Variants in TTC28 observed in about 807,000 individuals in gnomAD.
TTC28 encodes the protein tetratricopeptide repeat domain 28, also known as tetratricopeptide repeat protein 28.
In TTC28, 61 loss-of-function variants were observed where a neutral mutation model predicts 198.0. The ratio of observed to expected loss-of-function variants is 0.31; its 90% CI spans 0.25 to 0.38. The LOEUF is 0.38. Ranked by LOEUF, TTC28 falls within the 10% of genes least tolerant of loss-of-function variation. The pLI is 1.00. For missense variants in TTC28, 2,678 were observed against 3,164.0 expected, an observed-to-expected ratio of 0.85 and a Z score of 3.69; for synonymous variants, 1,171 against 1,297.8, an observed-to-expected ratio of 0.90 and a Z score of 2.10.
rs143644596 is a variant in TTC28 at position 28,040,401 on chromosome 22, T to G, written c.3933-10035A>C. Among the ~76,000 whole-genome samples, 1,456 of 152,230 alleles carry G rather than the reference T, an allele frequency of 9.6e-3. 25 individuals carry two copies. Among genetic ancestry groups the G allele is most frequent in the African/African-American group, 0.033 (1,355 of 41,560 alleles). ...AAGCTTATCCACCACGATCAAGTCGTCTTCATCCCTGGGATGCAGGGCTGG... is the reference window on the plus strand; with the variant it reads ...AAGCTTATCCACCACGATCAAGTCGGCTTCATCCCTGGGATGCAGGGCTGG... On this transcript the variant is annotated intron_variant, in intron 12 of 22. Coordinates refer to ENST00000397906, the MANE Select transcript of TTC28 (RefSeq NM_001145418.2).
chr22:28,543,273 A>C (rs2049457949), intron 2 of TTC28, among the ~76,000 whole-genome samples: 1 of 152,124 alleles, frequency 6.6e-6, no homozygotes, highest in Non-Finnish European at 1.5e-5. Context: ...AGGAGGTCAA[A>C]GCTGCAGTGA....
At chr22:28,551,702 A>C (rs745369762) in intron 2 of TTC28, among the ~76,000 whole-genome samples, 33 of 152,216 alleles carry the variant, frequency 2.2e-4, no homozygotes, top group African/African-American at 7.7e-4. Context: ...AACCCTCAGC[A>C]AAATCAGCAT....
intron 12 of TTC28, among the ~76,000 whole-genome samples, chr22:28,041,123 G>C (rs1209853439): frequency 2.0e-5 from 3 of 152,190 alleles, no homozygotes; most frequent in East Asian, 1.9e-4. Flanking sequence ...CTCATGGATA[G>C]GAAGAATCAA....
chr22:28,639,222 T>C (rs923793548), intron 1 of TTC28, among the ~76,000 whole-genome samples: 2 of 152,210 alleles, frequency 1.3e-5, no homozygotes, highest in Non-Finnish European at 2.9e-5. Flanking sequence ...ATAAATTTTA[T>C]TAGATCCATG....
chr22:28,172,828 T>G (rs777266684), intron 5 of TTC28, among the ~76,000 whole-genome samples: 1 of 152,212 alleles, frequency 6.6e-6, no homozygotes, highest in African/African-American at 2.4e-5. Flanking sequence ...GGAATAGGAT[T>G]TAGCATCAGA....
chr22:27,991,372 T>A (rs945151025), intron 19 of TTC28, among the ~76,000 whole-genome samples: 1 of 152,216 alleles, frequency 6.6e-6, no homozygotes, highest in Non-Finnish European at 1.5e-5. Flanking sequence ...TGCTTTAATA[T>A]GCAGTGTTCT....
chr22:28,172,190 C>T (rs1186384670), intron 5 of TTC28, among the ~76,000 whole-genome samples: 2 of 152,112 alleles, frequency 1.3e-5, no homozygotes, highest in African/African-American at 2.4e-5. Context: ...GAATCAGATA[C>T]ACTTTGTTCA....
intron 2 of TTC28, among the ~76,000 whole-genome samples, chr22:28,579,673 A>C (rs1022070941): frequency 3.3e-5 from 5 of 151,616 alleles, no homozygotes; most frequent in Non-Finnish European, 7.4e-5. Flanking sequence ...TACACACCCA[A>C]AAAAAACCGA....
chr22:28,388,351 C>G (rs1437904533), intron 2 of TTC28, among the ~76,000 whole-genome samples: 1 of 152,084 alleles, frequency 6.6e-6, no homozygotes, highest in Non-Finnish European at 1.5e-5. Flanking sequence ...TCCATATGAA[C>G]TTTAAAGTAG....
intron 5 of TTC28, among the ~76,000 whole-genome samples, chr22:28,176,217 A>T (rs1313940548): frequency 1.3e-5 from 2 of 152,216 alleles, no homozygotes; most frequent in East Asian, 1.9e-4. Flanking sequence ...TATACAATGA[A>T]ATATGATTCA....
chr22:27,983,963 C>CATAATT (rs1185882973), intron 22 of TTC28, 112 bp from the exon 23 acceptor site: 12 of 1,112,878 alleles, frequency 1.1e-5, no homozygotes, highest in African/African-American at 1.6e-5. Flanking sequence ...AAGAATTATG[C>CATAATT]AAGAGCTACT....
At chr22:28,524,677 C>T (rs2080752757) in intron 2 of TTC28, among the ~76,000 whole-genome samples, 1 of 151,884 alleles carries the variant, frequency 6.6e-6, no homozygotes, top group Admixed American at 6.6e-5. Flanking sequence ...AAAATGTCAC[C>T]CTCACAACAA....
Position 28,030,339 on chromosome 22 carries a change from A to G in TTC28, c.3960T>C (p.Ser1320=), listed in dbSNP as rs894743558. The part of the protein sequence containing the change: ...SRACASSETE[S]EAGDIMDQQF... ...GCTGGTCCATGATGTCTCCCGCTTC[A>G]CTCTCTGTCTCACTGCTGGCACAGG... is the stretch of plus-strand genomic sequence containing the variant. The change falls in exon 13 of 23, where the codon AGT becomes AGC. Residue 1320 remains serine (S), a synonymous_variant. Transcript: ENST00000397906. 1.9e-6 allele frequency: 3 copies of G among 1,551,548 alleles called. No individual in the cohort carries two copies. The highest frequency in any genetic ancestry group is 2.6e-6 in the Non-Finnish European group (3 of 1,147,002).
At chr22:28,639,112 C>T (rs1022358501) in intron 1 of TTC28, among the ~76,000 whole-genome samples, 2 of 152,066 alleles carry the variant, frequency 1.3e-5, no homozygotes, top group Non-Finnish European at 2.9e-5. Flanking sequence ...TATATTAATA[C>T]AAGGATAGTC....
In TTC28 at chr22:28,107,529, C is replaced by A. The variant is rs749853514; in HGVS notation, c.2316G>T (p.Lys772Asn). ...GTTCCTGTGTGTGATAACCCAGGGC[C>A]TTGTCATACTTCTGGATCATTCGGT... ...TAYRMIQKYD[K>N]ALGYHTQELE... Residue 772 changes from lysine (K) to asparagine (N), a missense_variant, in exon 7 of 23, where the codon AAG (lysine) becomes AAT (asparagine). Around this residue, in one of 8 missense-constraint regions of TTC28, gnomAD observed 775 missense variants for 845.9 expected, o/e 0.92. Coordinates refer to ENST00000397906, the MANE Select transcript of TTC28 (RefSeq NM_001145418.2). 11 of 1,551,870 alleles carry A rather than the reference C, an allele frequency of 7.1e-6. No homozygotes were observed. Among genetic ancestry groups the A allele is most frequent in the Non-Finnish European group, 9.6e-6 (11 of 1,147,054 alleles).
chr22:28,533,995 T>C (rs1235362738), intron 2 of TTC28, among the ~76,000 whole-genome samples: 5 of 151,940 alleles, frequency 3.3e-5, no homozygotes, highest in Non-Finnish European at 7.4e-5. Flanking sequence ...AGGACATAGG[T>C]ATGGGCAAGG....
intron 3 of TTC28, among the ~76,000 whole-genome samples, chr22:28,304,846 A>G (rs2145804931): frequency 6.6e-6 from 1 of 152,226 alleles, no homozygotes; most frequent in South Asian, 2.1e-4. Context: ...TAGGGAGAGA[A>G]CAAGAAAAAA....
chr22:28,114,999 G>A (rs931183293), intron 6 of TTC28, among the ~76,000 whole-genome samples: 2 of 152,152 alleles, frequency 1.3e-5, no homozygotes, highest in Non-Finnish European at 1.5e-5. Context: ...TGCCTGGCTC[G>A]CTGCTCCATG....
At chr22:28,584,111 C>G (rs2050275231) in intron 2 of TTC28, among the ~76,000 whole-genome samples, 1 of 151,512 alleles carries the variant, frequency 6.6e-6, no homozygotes, top group Admixed American at 6.6e-5. Context: ...TCTCAGGTAG[C>G]TGGAACTACA....
Sources: allele counts gnomAD v4.1 joint callset (sites outside exome capture counted in the v4.1 genomes callset), GRCh38; gene constraint gnomAD v4.1.1; regional missense constraint gnomAD v4.1.1; transcripts MANE v1.5; gene names NCBI Gene and HGNC (gene_info 2026-07-23, HGNC 2026-07-21).